NLRP14: variants seen among roughly 807,000 people sequenced by gnomAD.
NLRP14 encodes NACHT, LRR and PYD domains-containing protein 14.
A neutral mutation model predicts 94.7 loss-of-function variants in NLRP14; 105 were observed. The ratio of observed to expected loss-of-function variants is 1.11; its 90% CI spans 0.95 to 1.30. The LOEUF (loss-of-function observed/expected upper bound fraction) is 1.30. NLRP14 is among the 50% of genes most tolerant of loss of function. NLRP14 has a pLI of 0.00. For synonymous variants in NLRP14, 508 were observed against 459.9 expected (o/e 1.10, Z -1.34); for missense variants, 1,362 against 1,254.1 (o/e 1.09, Z -1.30).
At chr11:7,082,704 A>G in the NLRP14 span, among the ~76,000 whole-genome samples, 1 of 152,140 alleles carries the variant, frequency 6.6e-6, no homozygotes, top group Admixed American at 6.5e-5. Flanking sequence ...AAATTTTTCC[A>G]CCTTTGGAAG....
chr11:7,063,345 G>A (rs111999182), intron 10 of NLRP14, among the ~76,000 whole-genome samples: 2 of 151,982 alleles, frequency 1.3e-5, no homozygotes, highest in East Asian at 1.9e-4. Flanking sequence ...GCATGTTTGC[G>A]TCAGTTCCTT....
chr11:7,041,020 C>G (rs1852240620), intron 3 of NLRP14, among the ~76,000 whole-genome samples: 1 of 152,010 alleles, frequency 6.6e-6, no homozygotes, highest in African/African-American at 2.4e-5. Flanking sequence ...ATTATGGGAA[C>G]TTTGGAAAAT....
chr11:7,053,055 C>G (rs74050293), intron 6 of NLRP14, among the ~76,000 whole-genome samples: 3,439 of 152,144 alleles, frequency 0.023, 160 homozygotes, highest in African/African-American at 0.079. Flanking sequence ...AAGGCTGAGA[C>G]CATAACTTTT....
chr11:7,081,905 G>GTAGGGCTAAAGA, the NLRP14 span, among the ~76,000 whole-genome samples: 3 of 152,128 alleles, frequency 2.0e-5, no homozygotes, highest in African/African-American at 7.2e-5. Flanking sequence ...AGGGTGGGAG[G>GTAGGGCTAAAGA]TAGGGCTAAA....
chr11:7,039,823 T>G lies in NLRP14; in HGVS notation c.361+38T>G, dbSNP rs201904638. On this transcript the variant is annotated intron_variant, in intron 3 of 11. Transcript: ENST00000299481. ...GCCTTTCATCAGATTTGGGAGGCAT[T>G]CAAAGTTTTGATACAGGACGGTGAT... 1.2e-5 allele frequency: 18 copies of G among 1,507,020 alleles called. No individual in the cohort carries two copies. The East Asian group carries it at 4.1e-4, about 34-fold the overall frequency. The allele number at this position is 1,507,020 out of a possible 1,614,324, so 93.4% of individuals were successfully genotyped here.
At chr11:7,040,458 C>T (rs182001900) in intron 3 of NLRP14, among the ~76,000 whole-genome samples, 21 of 152,262 alleles carry the variant, frequency 1.4e-4, no homozygotes, top group South Asian at 4.1e-4. Flanking sequence ...TTGAATCATC[C>T]TGAAATCATC....
intron 1 of NLRP14, among the ~76,000 whole-genome samples, chr11:7,037,010 G>A (rs958271999): frequency 2.0e-5 from 3 of 152,074 alleles, no homozygotes; most frequent in Non-Finnish European, 2.9e-5. Context: ...GGAAGAGAGC[G>A]CCCCTCATTT....
chr11:7,088,760 C>A, the NLRP14 span, among the ~76,000 whole-genome samples: 1 of 152,096 alleles, frequency 6.6e-6, no homozygotes, highest in Non-Finnish European at 1.5e-5. Flanking sequence ...GGGATCATTA[C>A]AATTGTTCTC....
chr11:7,083,066 A>G, the NLRP14 span, among the ~76,000 whole-genome samples: 1 of 152,220 alleles, frequency 6.6e-6, no homozygotes, highest in Non-Finnish European at 1.5e-5. Context: ...CGGGGAAGAA[A>G]GAAGAAAGTA....
chr11:7,048,166 T>C (rs1188490209), intron 5 of NLRP14, among the ~76,000 whole-genome samples: 4 of 152,254 alleles, frequency 2.6e-5, no homozygotes, highest in Admixed American at 2.6e-4. Context: ...ATTGTATAAC[T>C]ATACTTATAC....
chr11:7,073,231 G>A (rs762581476), downstream of NLRP14, among the ~76,000 whole-genome samples: 1 of 152,180 alleles, frequency 6.6e-6, no homozygotes, highest in Admixed American at 6.5e-5. Flanking sequence ...CAGATTCTGG[G>A]AGAATCAATT....
rs924156602 is a variant in NLRP14 at position 7,071,302 on chromosome 11, T to G, written c.3276T>G (p.Cys1092Trp). 4 of 1,612,558 alleles carry G rather than the reference T, an allele frequency of 2.5e-6. No individual in the cohort carries two copies. The highest frequency in any genetic ancestry group is 3.4e-6 in the Non-Finnish European group (4 of 1,179,054). Reference sequence around the variant, plus strand: ...AAGAAGATGTGTCTTGGTGGTGGTGTTTCTGATTTGAAGAAACTGACATTC... The same window carrying G: ...AAGAAGATGTGTCTTGGTGGTGGTGGTTCTGATTTGAAGAAACTGACATTC... ...HNEEDVSWWW[C>W]F Residue 1092 changes from cysteine to tryptophan, a missense_variant, in exon 12 of 12, where the codon TGT becomes TGG. Transcript: ENST00000299481.
Position 7,049,685 on chromosome 11 carries a change from C to G in NLRP14, c.2138C>G (p.Thr713Ser). 6.2e-7 allele frequency: 1 copy of G among 1,612,268 alleles called. No individual in the cohort carries two copies. Among genetic ancestry groups the G allele is most frequent in the Non-Finnish European group, 8.5e-7 (1 of 1,178,370 alleles). The change falls in exon 6 of 12, where the codon ACT (threonine) becomes AGT (serine). Residue 713 changes from threonine to serine, a missense_variant. Coordinates refer to ENST00000299481, the MANE Select transcript of NLRP14 (RefSeq NM_176822.4). ...TTCTTCTGAAGGTTGAAATTTATCA[C>G]TTTCCCTGATGGTTGTCAGGATATC... ...KLQKLLLKFITFPDGCQDIST... is the reference protein window; with the variant it reads ...KLQKLLLKFISFPDGCQDIST...
chr11:7,057,945 A>T, intron 7 of NLRP14, 98 bp downstream of exon 7: 1 of 973,926 alleles, frequency 1.0e-6, no homozygotes, highest in Admixed American at 1.7e-5. Context: ...CTTGGCACTA[A>T]CTGGCTCGTT....
downstream of NLRP14, among the ~76,000 whole-genome samples, chr11:7,074,567 G>T (rs1852849886): frequency 6.6e-6 from 1 of 152,164 alleles, no homozygotes; most frequent in African/African-American, 2.4e-5. Context: ...GTCAGAAAAA[G>T]GAAAATTCTT....
chr11:7,089,033 G>C, the NLRP14 span: 3 of 1,474,688 alleles, frequency 2.0e-6, no homozygotes, highest in Non-Finnish European at 2.8e-6. Flanking sequence ...ACCAGTAGGA[G>C]CCGCCCTCGA....
At position 7,020,482 on chromosome 11, in the gene NLRP14, C is replaced by G. The variant is rs1012852182; in HGVS notation, c.-310C>G. 2 of 152,354 alleles carry G rather than the reference C, an allele frequency of 1.3e-5. No homozygotes were observed. Among genetic ancestry groups the G allele is most frequent in the African/African-American group, 4.8e-5 (2 of 41,472 alleles). 9.4% of individuals were successfully genotyped at this position (152,354 alleles called of 1,614,324 possible). ...CTCCCGACCTTTGGCCGCTGGCATT[C>G]CTGCGCGGGCGGGAGCTGCGGGCGC... On this transcript the variant is annotated 5_prime_UTR_variant, in exon 1 of 12. Coordinates refer to ENST00000299481, the MANE Select transcript of NLRP14 (RefSeq NM_176822.4).
intron 1 of NLRP14, among the ~76,000 whole-genome samples, chr11:7,031,873 T>C (rs1852103020): frequency 6.6e-6 from 1 of 152,162 alleles, no homozygotes. Context: ...CCTAGCAAAG[T>C]TCAAGAAATA....
At chr11:7,064,310 A>T (rs1410344145) in intron 10 of NLRP14, among the ~76,000 whole-genome samples, 5 of 152,144 alleles carry the variant, frequency 3.3e-5, no homozygotes, top group Non-Finnish European at 5.9e-5. Context: ...TGCTATGTCT[A>T]CATGAGATTT....
Sources: gnomAD v4.1 joint callset for allele counts (sites outside exome capture counted in the v4.1 genomes callset) on GRCh38, gnomAD v4.1.1 for gene constraint, MANE v1.5 for transcripts, NCBI Gene and HGNC (gene_info 2026-07-23, HGNC 2026-07-21) for gene names.